Variants in GALM observed in about 807,000 individuals in gnomAD.
GALM encodes the protein galactose mutarotase, also known as aldose 1-epimerase.
Under a neutral mutation model 37.4 loss-of-function variants are expected in GALM, and 43 were observed. That is an observed-to-expected ratio of 1.15 (90% confidence interval 0.90 to 1.48). The LOEUF (loss-of-function observed/expected upper bound fraction) is 1.48. Among genes scored for constraint, GALM ranks in the 40% most tolerant of loss-of-function variants. GALM has a pLI of 0.00. For synonymous variants in GALM, 199 were observed against 170.6 expected, an observed-to-expected ratio of 1.17 and a Z score of -1.30; for missense variants, 456 against 419.1, an observed-to-expected ratio of 1.09 and a Z score of -0.77.
At chr2:38,704,052 A>G (rs1383405703) in intron 4 of GALM, among the ~76,000 whole-genome samples, 1 of 151,682 alleles carries the variant, frequency 6.6e-6, no homozygotes, top group Admixed American at 6.6e-5. Context: ...TAAATAAAAT[A>G]AAATAAAATA....
At chr2:38,729,965 G>C (rs375537812) in intron 5 of GALM, among the ~76,000 whole-genome samples, 1 of 152,056 alleles carries the variant, frequency 6.6e-6, no homozygotes, top group Non-Finnish European at 1.5e-5. Flanking sequence ...TTTTCTGTTA[G>C]AAGCCTTAAC....
chr2:38,703,209 GCGATTC>G (rs1665966676), intron 4 of GALM, among the ~76,000 whole-genome samples: 1 of 139,664 alleles, frequency 7.2e-6, no homozygotes, highest in Admixed American at 7.5e-5. Flanking sequence ...CCAGGTTCAA[GCGATTC>G]TCCTGCCTCA....
chr2:38,717,341 G>C (rs990904362), intron 4 of GALM, among the ~76,000 whole-genome samples: 2 of 143,396 alleles, frequency 1.4e-5, no homozygotes, highest in Non-Finnish European at 3.1e-5. Flanking sequence ...GTGTGTGTGT[G>C]TGTGTATAAA....
At chr2:38,704,202 T>TTA (rs933028267) in intron 4 of GALM, among the ~76,000 whole-genome samples, 3 of 151,118 alleles carry the variant, frequency 2.0e-5, no homozygotes, top group African/African-American at 7.3e-5. Flanking sequence ...TATTATTTTA[T>TTA]TATTTTTTTT....
At chr2:38,730,846 AG>A (rs1174995180) in intron 5 of GALM, among the ~76,000 whole-genome samples, 1 of 151,342 alleles carries the variant, frequency 6.6e-6, no homozygotes, top group East Asian at 2.0e-4. Flanking sequence ...ACTTGAACCC[AG>A]GGGGTGGAAG....
chr2:38,697,255 G>A (rs1406442147), intron 4 of GALM, among the ~76,000 whole-genome samples: 1 of 152,084 alleles, frequency 6.6e-6, no homozygotes, highest in Non-Finnish European at 1.5e-5. Flanking sequence ...GATTGTGCGT[G>A]GGTTTGTCGC....
chr2:38,717,308 TG>T (rs1032503298), intron 4 of GALM, among the ~76,000 whole-genome samples: 5 of 42,494 alleles, frequency 1.2e-4, no homozygotes, highest in African/African-American at 2.5e-4. Context: ...ATTAAGGGAG[TG>T]TGTGTGTGTG....
intron 4 of GALM, among the ~76,000 whole-genome samples, chr2:38,693,196 G>C (rs1482030081): frequency 6.6e-6 from 1 of 152,168 alleles, no homozygotes; most frequent in Non-Finnish European, 1.5e-5. Flanking sequence ...GAACCTGTTA[G>C]ACCAGGTCGG....
intron 4 of GALM, among the ~76,000 whole-genome samples, chr2:38,718,154 T>C (rs1223674096): frequency 1.3e-5 from 2 of 150,262 alleles, no homozygotes; most frequent in Non-Finnish European, 2.9e-5. Flanking sequence ...AGTTTCCAAA[T>C]AACATGCTTA....
intron 3 of GALM, among the ~76,000 whole-genome samples, chr2:38,689,465 T>C (rs370421352): frequency 2.0e-5 from 3 of 152,288 alleles, no homozygotes; most frequent in African/African-American, 4.8e-5. Context: ...TTACCAGTCA[T>C]TGCTCTTCTG....
chr2:38,678,921 A>C (rs1385183509), intron 2 of GALM, among the ~76,000 whole-genome samples: 3 of 152,344 alleles, frequency 2.0e-5, no homozygotes, highest in Middle Eastern at 3.4e-3. Context: ...TAAGATGTGG[A>C]ATAGAGGAGA....
At chr2:38,707,427 G>A (rs1288174913) in intron 4 of GALM, among the ~76,000 whole-genome samples, 1 of 152,150 alleles carries the variant, frequency 6.6e-6, no homozygotes, top group Non-Finnish European at 1.5e-5. Flanking sequence ...AAGGGAGATG[G>A]CCAGGGGTAG....
In GALM at chr2:38,727,668, G is replaced by A. The variant is rs149978657; in HGVS notation, c.635-1888G>A. The stretch of plus-strand genomic sequence containing the variant: ...CTTGAACCAGGAGGCAGAGGTTGCA[G>A]TGAGCCTAGACTGGCCATTGCACTC... On this transcript the variant is annotated intron_variant, in intron 4 of 6. Coordinates refer to ENST00000272252, the MANE Select transcript of GALM (RefSeq NM_138801.3). Among the ~76,000 whole-genome samples the A allele has an allele frequency of 5.2e-3, 787 of 151,012 alleles. 3 individuals are homozygous for A. Among genetic ancestry groups the A allele is most frequent in the Non-Finnish European group, 9.5e-3 (644 of 67,778 alleles).
chr2:38,689,734 AT>A, intron 3 of GALM, 78 bp from the exon 4 acceptor site: 1 of 858,404 alleles, frequency 1.2e-6, no homozygotes, highest in Non-Finnish European at 1.9e-6. Context: ...GCCTGAAAAC[AT>A]TTTTGCAAGA....
intron 4 of GALM, among the ~76,000 whole-genome samples, chr2:38,693,040 G>A (rs904322683): frequency 2.6e-5 from 4 of 152,128 alleles, no homozygotes; most frequent in African/African-American, 7.2e-5. Flanking sequence ...CCCTAGGGTG[G>A]CCCTGGGTGG....
intron 4 of GALM, among the ~76,000 whole-genome samples, chr2:38,720,887 G>A (rs150195451): frequency 7.5e-4 from 114 of 152,336 alleles, no homozygotes; most frequent in African/African-American, 2.7e-3. Context: ...CGAGGCTGGA[G>A]CCTTTTACAT....
At chr2:38,679,246 C>A (rs1169031672) in intron 2 of GALM, among the ~76,000 whole-genome samples, 1 of 152,182 alleles carries the variant, frequency 6.6e-6, no homozygotes, top group Non-Finnish European at 1.5e-5. Context: ...CTTGGCCTCC[C>A]AAAGTGCTGT....
chr2:38,708,488 T>C (rs868229275), intron 4 of GALM, among the ~76,000 whole-genome samples: 47 of 152,130 alleles, frequency 3.1e-4, no homozygotes, highest in African/African-American at 1.1e-3. Flanking sequence ...AAGCCTGTAA[T>C]CCCAGCACTT....
chr2:38,727,032 A>T (rs1222240705), intron 4 of GALM, among the ~76,000 whole-genome samples: 3 of 152,000 alleles, frequency 2.0e-5, no homozygotes, highest in Non-Finnish European at 4.4e-5. Context: ...CCTGGCCAAC[A>T]TGTTGAAACC....
Sources: gnomAD v4.1 joint callset for allele counts (sites outside exome capture counted in the v4.1 genomes callset) on GRCh38, gnomAD v4.1.1 for gene constraint, MANE v1.5 for transcripts, NCBI Gene and HGNC (gene_info 2026-07-23, HGNC 2026-07-21) for gene names.